ITPK1: variants seen among roughly 807,000 people sequenced by gnomAD.
ITPK1 encodes inositol-tetrakisphosphate 1-kinase.
Under a neutral mutation model 45.3 loss-of-function variants are expected in ITPK1, and 21 were observed. That is an observed-to-expected ratio of 0.46 (90% CI 0.33 to 0.67). The LOEUF is 0.67. Among genes scored for constraint, ITPK1 ranks in the 30% least tolerant of loss-of-function variants. The pLI, the probability that ITPK1 is intolerant of heterozygous loss-of-function variation, is 0.02. For missense variants in ITPK1, 474 were observed against 573.5 expected, an observed-to-expected ratio of 0.83 and a Z score of 1.77; for synonymous variants, 258 against 253.6, an observed-to-expected ratio of 1.02 and a Z score of -0.16.
chr14:93,050,053 T>G (rs36084521), intron 3 of ITPK1, among the ~76,000 whole-genome samples: 20,032 of 152,118 alleles, frequency 0.13, 1,486 homozygotes, highest in South Asian at 0.26. Flanking sequence ...AGCTTCCCTT[T>G]CGAGGAATGG....
chr14:92,982,026 G>T (rs1886259577), intron 5 of ITPK1, among the ~76,000 whole-genome samples: 2 of 152,260 alleles, frequency 1.3e-5, no homozygotes. Context: ...GGGGCAGTAT[G>T]ACAGGAGACG....
chr14:93,008,066 C>A (rs559490614), intron 4 of ITPK1, among the ~76,000 whole-genome samples: 1 of 152,234 alleles, frequency 6.6e-6, no homozygotes, highest in Non-Finnish European at 1.5e-5. Context: ...CCAGCTACTG[C>A]GGGTCCTTAT....
In ITPK1 at chr14:93,115,260, C is replaced by A. The variant is rs776199488; in HGVS notation, c.-97G>T. Reference sequence around the variant, plus strand: ...CCGCGAGCGAGTGGGCACCTCCTCCCGGCGGCGGGGACGCGGAACGGGGAT... The same window carrying A: ...CCGCGAGCGAGTGGGCACCTCCTCCAGGCGGCGGGGACGCGGAACGGGGAT... On this transcript the variant is annotated 5_prime_UTR_variant, in exon 2 of 11. Coordinates refer to ENST00000267615, the MANE Select transcript of ITPK1 (RefSeq NM_014216.6). The A allele has an allele frequency of 2.1e-5, 16 of 756,376 alleles. No individual in the cohort carries two copies. The Middle Eastern group carries it at 7.0e-4, about 33-fold the overall frequency. 46.9% of individuals were successfully genotyped at this position (756,376 alleles called of 1,614,324 possible). A position where few individuals can be genotyped will look rare whatever the true frequency, so the allele number is the denominator to read the frequency against.
At position 92,958,769 on chromosome 14, in the gene ITPK1, C is replaced by T. The variant is rs1023594996; in HGVS notation, c.505-403G>A. On this transcript the variant is annotated intron_variant, in intron 7 of 10. Coordinates refer to ENST00000267615, the MANE Select transcript of ITPK1 (RefSeq NM_014216.6). This position sits in a 1 kb window ranked among gnomAD's most constrained non-coding sequence, Gnocchi z 4.4. ...GGGAGGAGGAAGGAAGCAGATGACT[C>T]GGGCGCAGGAGTCAGGAGGCCTTGG... 4.6e-5 allele frequency among the ~76,000 whole-genome samples: 7 copies of T among 152,140 alleles called. No individual in the cohort carries two copies. Among genetic ancestry groups the T allele is most frequent in the Admixed American group, 6.5e-5 (1 of 15,282 alleles).
intron 9 of ITPK1, among the ~76,000 whole-genome samples, chr14:92,950,617 C>T (rs1281945902): frequency 6.6e-6 from 1 of 152,194 alleles, no homozygotes; most frequent in Admixed American, 6.5e-5. Context: ...AGTGATAATC[C>T]AAGACAGTGA....
chr14:92,940,807 A>AGGCAGCCTCCTTCCC lies in ITPK1; in HGVS notation c.*739_*753dup, dbSNP rs1429158972. The AGGCAGCCTCCTTCCC allele has an allele frequency of 2.3e-6, 3 of 1,286,902 alleles. No individual in the cohort carries two copies. The highest frequency in any genetic ancestry group is 3.0e-6 in the Non-Finnish European group (3 of 987,556). The allele number at this position is 1,286,902 out of a possible 1,614,324, so 79.7% of individuals were successfully genotyped here. On this transcript the variant is annotated 3_prime_UTR_variant, in exon 11 of 11. Coordinates refer to ENST00000267615, the MANE Select transcript of ITPK1 (RefSeq NM_014216.6). Reference sequence around the variant, plus strand: ...GCGCCATCGGCTCGGGCCTCCAGCCAGGCAGCCTCCTTCCCGGGCTCCAGG... The same window carrying AGGCAGCCTCCTTCCC: ...GCGCCATCGGCTCGGGCCTCCAGCCAGGCAGCCTCCTTCCCGGCAGCCTCCTTCCCGGGCTCCAGG...
At chr14:92,999,662 C>T (rs918419484) in intron 4 of ITPK1, among the ~76,000 whole-genome samples, 4 of 152,200 alleles carry the variant, frequency 2.6e-5, no homozygotes, top group Non-Finnish European at 5.9e-5. Flanking sequence ...AGCTGGAGGC[C>T]GCCAGGCCCA....
chr14:92,943,418 T>G (rs1200184149), intron 10 of ITPK1, among the ~76,000 whole-genome samples: 1 of 152,186 alleles, frequency 6.6e-6, no homozygotes, highest in Non-Finnish European at 1.5e-5. Flanking sequence ...GTCTTGTGTG[T>G]GTCTTGAATA....
In ITPK1 at chr14:92,938,064, A is replaced by G. The variant is rs183477649; in HGVS notation, c.*3497T>C. The G allele has an allele frequency of 4.8e-5, 10 of 207,714 alleles. No individual in the cohort carries two copies. The East Asian group carries it at 8.4e-4, about 17-fold the overall frequency. 12.9% of individuals were successfully genotyped at this position (207,714 alleles called of 1,614,324 possible). The stretch of plus-strand genomic sequence containing the variant: ...AACCTACGCCTCCCGAGTTCAAGCA[A>G]TTCTCCTGCCTCAGCCTCCCAAGTA... On this transcript the variant is annotated 3_prime_UTR_variant, in exon 11 of 11. Coordinates refer to ENST00000267615, the MANE Select transcript of ITPK1 (RefSeq NM_014216.6).
chr14:93,014,900 C>T lies in ITPK1; in HGVS notation c.246+1776G>A, dbSNP rs966975768. Among the ~76,000 whole-genome samples the T allele has an allele frequency of 2.0e-5, 3 of 152,224 alleles. No individual in the cohort carries two copies. The highest frequency in any genetic ancestry group is 2.9e-5 in the Non-Finnish European group (2 of 68,044). ...GGTAATCAGGCATCTGGAAGGCCATCGTCCCCCAGATGGACTCAGCAAGAG... is the reference window on the plus strand; with the variant it reads ...GGTAATCAGGCATCTGGAAGGCCATTGTCCCCCAGATGGACTCAGCAAGAG... On this transcript the variant is annotated intron_variant, in intron 4 of 10. Coordinates refer to ENST00000267615, the MANE Select transcript of ITPK1 (RefSeq NM_014216.6). This position sits in a 1 kb window ranked among gnomAD's most constrained non-coding sequence, Gnocchi z 4.4.
chr14:93,006,920 G>A (rs534751063), intron 4 of ITPK1, among the ~76,000 whole-genome samples: 3 of 152,294 alleles, frequency 2.0e-5, no homozygotes, highest in Admixed American at 6.5e-5. Context: ...TTCTGTCAGC[G>A]GGAGGCAGGC....
At position 92,958,613 on chromosome 14, in the gene ITPK1, G is replaced by A. The variant is rs1304902883; in HGVS notation, c.505-247C>T. ...TTCACCGGGCCTGCCATGTGAGATCGAGCTGGCTGTGCACTGCACAACTTC... is the reference window on the plus strand; with the variant it reads ...TTCACCGGGCCTGCCATGTGAGATCAAGCTGGCTGTGCACTGCACAACTTC... On this transcript the variant is annotated intron_variant, in intron 7 of 10. Transcript: ENST00000267615. This position sits in a 1 kb window ranked among gnomAD's most constrained non-coding sequence, Gnocchi z 4.4. Among the ~76,000 whole-genome samples the A allele has an allele frequency of 6.6e-6, 1 of 152,158 alleles. No homozygotes were observed. The highest frequency in any genetic ancestry group is 1.5e-5 in the Non-Finnish European group (1 of 68,026).
intron 5 of ITPK1, among the ~76,000 whole-genome samples, chr14:92,988,211 G>A (rs1180015396): frequency 6.6e-6 from 1 of 152,182 alleles, no homozygotes; most frequent in African/African-American, 2.4e-5. Context: ...CTTCGATGGG[G>A]CACGCTGTCC....
chr14:92,944,753 G>C (rs927153506), intron 10 of ITPK1, among the ~76,000 whole-genome samples: 1 of 152,040 alleles, frequency 6.6e-6, no homozygotes, highest in South Asian at 2.1e-4. Flanking sequence ...TTGCGCCCTG[G>C]TTCCCTCATA....
intron 5 of ITPK1, among the ~76,000 whole-genome samples, chr14:92,984,534 C>T (rs1039441842): frequency 1.3e-5 from 2 of 152,100 alleles, no homozygotes; most frequent in African/African-American, 4.8e-5. Flanking sequence ...ATCTTACAAT[C>T]GGTAATGAAA....
chr14:92,949,093 C>T (rs1412950127), intron 9 of ITPK1, among the ~76,000 whole-genome samples: 6 of 144,398 alleles, frequency 4.2e-5, no homozygotes, highest in African/African-American at 5.0e-5. Context: ...ACTTTTCTTT[C>T]TTTTTTTTTT....
At chr14:92,986,311 C>T (rs1442950366) in intron 5 of ITPK1, among the ~76,000 whole-genome samples, 1 of 152,208 alleles carries the variant, frequency 6.6e-6, no homozygotes, top group Non-Finnish European at 1.5e-5. Flanking sequence ...TACCCATGTA[C>T]CCTGCTTATA....
chr14:92,955,968 C>A (rs531332959), intron 8 of ITPK1, among the ~76,000 whole-genome samples: 3 of 152,188 alleles, frequency 2.0e-5, no homozygotes, highest in Non-Finnish European at 4.4e-5. Flanking sequence ...AGAGGACCCA[C>A]GTTAGCTCCC....
At chr14:92,998,174 G>A (rs1294413901) in intron 4 of ITPK1, among the ~76,000 whole-genome samples, 1 of 152,188 alleles carries the variant, frequency 6.6e-6, no homozygotes, top group African/African-American at 2.4e-5. Flanking sequence ...CAGCTGCTGT[G>A]GGCATCATGG....
Sources: allele counts gnomAD v4.1 joint callset (sites outside exome capture counted in the v4.1 genomes callset), GRCh38; gene constraint gnomAD v4.1.1; non-coding constraint Gnocchi (gnomAD v3.1); transcripts MANE v1.5; gene names NCBI Gene and HGNC (gene_info 2026-07-23, HGNC 2026-07-21).